Variants in PTCHD4 observed in about 807,000 individuals in gnomAD.
PTCHD4 encodes patched domain-containing protein 4.
In PTCHD4, 33 loss-of-function variants were observed where a neutral mutation model predicts 58.1. That is an observed-to-expected ratio of 0.57 (90% CI 0.43 to 0.76). PTCHD4 has a LOEUF of 0.76. Ranked by LOEUF, PTCHD4 falls within the 30% of genes least tolerant of loss-of-function variation. The pLI is 0.00. For missense variants in PTCHD4, 1,058 were observed against 1,027.1 expected, an observed-to-expected ratio of 1.03 and a Z score of -0.41; for synonymous variants, 478 against 409.6, an observed-to-expected ratio of 1.17 and a Z score of -2.02.
intron 1 of PTCHD4, among the ~76,000 whole-genome samples, chr6:48,085,347 C>G (rs1435649684): frequency 6.6e-6 from 1 of 152,098 alleles, no homozygotes; most frequent in African/African-American, 2.4e-5. Flanking sequence ...TCAGGTCATG[C>G]TTAATTAGTG....
intron 3 of PTCHD4, among the ~76,000 whole-genome samples, chr6:48,010,632 G>C (rs1762632324): frequency 6.6e-6 from 1 of 151,872 alleles, no homozygotes. Context: ...AAGTTCTGGG[G>C]TACATGTGCA....
intron 4 of PTCHD4, among the ~76,000 whole-genome samples, chr6:47,889,652 T>C (rs1314656834): frequency 4.6e-5 from 7 of 151,692 alleles, no homozygotes; most frequent in East Asian, 3.9e-4. Flanking sequence ...GCTAGCCATA[T>C]GTAGAAAGCC....
chr6:48,061,596 T>C (rs1030555874), intron 3 of PTCHD4, among the ~76,000 whole-genome samples: 1 of 152,208 alleles, frequency 6.6e-6, no homozygotes, highest in East Asian at 1.9e-4. Context: ...TTCTGATCAG[T>C]AGGTCTTTTG....
In PTCHD4 at chr6:47,859,070, G is replaced by T. The variant is rs1325836055; in HGVS notation, c.*19233C>A. Among the ~76,000 whole-genome samples the T allele has an allele frequency of 6.6e-6, 1 of 152,016 alleles. No homozygotes were observed. The highest frequency in any genetic ancestry group is 2.4e-5 in the African/African-American group (1 of 41,438). ...AAGAAGGAAATGTTCCTGAGCATCA[G>T]ATAATATATTTTATTCACGCTTATG... On this transcript the variant is annotated 3_prime_UTR_variant, in exon 5 of 5. Coordinates refer to ENST00000339488, the MANE Select transcript of PTCHD4 (RefSeq NM_001384253.1).
intron 1 of PTCHD4, among the ~76,000 whole-genome samples, chr6:48,110,794 T>TAA (rs1358016869): frequency 6.9e-5 from 10 of 145,478 alleles, no homozygotes; most frequent in Admixed American, 1.4e-4. Flanking sequence ...TATATATAAA[T>TAA]ATATATATAT....
intron 4 of PTCHD4, among the ~76,000 whole-genome samples, chr6:47,996,992 C>A (rs577173917): frequency 6.6e-6 from 1 of 152,294 alleles, no homozygotes; most frequent in East Asian, 1.9e-4. Context: ...TATTATTTGC[C>A]CCGCATTGTG....
chr6:47,894,289 T>G (rs1764463724), intron 4 of PTCHD4, among the ~76,000 whole-genome samples: 1 of 152,344 alleles, frequency 6.6e-6, no homozygotes, highest in Non-Finnish European at 1.5e-5. Flanking sequence ...CAACATAAAT[T>G]TATAAACAGA....
At chr6:47,956,889 C>G (rs917399418) in intron 4 of PTCHD4, among the ~76,000 whole-genome samples, 1 of 151,964 alleles carries the variant, frequency 6.6e-6, no homozygotes, top group South Asian at 2.1e-4. Flanking sequence ...TTTCGTTGGG[C>G]GTGGTGATTC....
chr6:47,988,665 G>C (rs1351385034), intron 4 of PTCHD4, among the ~76,000 whole-genome samples: 1 of 152,138 alleles, frequency 6.6e-6, no homozygotes, highest in East Asian at 1.9e-4. Context: ...CTATCAGGGG[G>C]TTCTGCTTTT....
At chr6:47,959,654 G>A (rs184985862) in intron 4 of PTCHD4, among the ~76,000 whole-genome samples, 1 of 152,056 alleles carries the variant, frequency 6.6e-6, no homozygotes, top group East Asian at 1.9e-4. Flanking sequence ...AATCATAGGA[G>A]CAGCCAAGGC....
chr6:48,087,807 C>A (rs1260372286), intron 1 of PTCHD4, among the ~76,000 whole-genome samples: 4 of 152,124 alleles, frequency 2.6e-5, no homozygotes, highest in Non-Finnish European at 5.9e-5. Context: ...TCCTTCAGCT[C>A]TCAGTTTTGA....
intron 3 of PTCHD4, among the ~76,000 whole-genome samples, chr6:48,021,301 G>A (rs1038782162): frequency 6.6e-6 from 1 of 151,920 alleles, no homozygotes; most frequent in African/African-American, 2.4e-5. Flanking sequence ...GCTGCTAATG[G>A]TAGGGAAAAG....
intron 4 of PTCHD4, among the ~76,000 whole-genome samples, chr6:48,004,340 T>G (rs1183966487): frequency 6.6e-6 from 1 of 152,118 alleles, no homozygotes; most frequent in East Asian, 1.9e-4. Context: ...TAACGCAGAC[T>G]CAGAATGGAC....
At chr6:47,891,283 G>A (rs935347394) in intron 4 of PTCHD4, among the ~76,000 whole-genome samples, 2 of 149,428 alleles carry the variant, frequency 1.3e-5, no homozygotes, top group Non-Finnish European at 3.0e-5. Context: ...GCTGGGTGCT[G>A]TCAAGTAGGC....
Position 47,860,516 on chromosome 6 carries a change from A to C in PTCHD4, c.*17787T>G, listed in dbSNP as rs930720865. 2.0e-4 allele frequency among the ~76,000 whole-genome samples: 31 copies of C among 152,036 alleles called. No individual in the cohort carries two copies. Among genetic ancestry groups the C allele is most frequent in the Admixed American group, 3.9e-4 (6 of 15,250 alleles). On this transcript the variant is annotated 3_prime_UTR_variant, in exon 5 of 5. Transcript: ENST00000339488. ...TTAGAGCTTATACCTATACATCTGTAGATCTCTTCTTCCTGTCCTACAGAA... is the reference window on the plus strand; with the variant it reads ...TTAGAGCTTATACCTATACATCTGTCGATCTCTTCTTCCTGTCCTACAGAA...
At chr6:47,993,213 C>A (rs1178922168) in intron 4 of PTCHD4, among the ~76,000 whole-genome samples, 1 of 152,086 alleles carries the variant, frequency 6.6e-6, no homozygotes, top group East Asian at 1.9e-4. Flanking sequence ...ATGGAAGTCA[C>A]CAATGCAATA....
chr6:48,085,140 G>A (rs1477984215), intron 1 of PTCHD4, among the ~76,000 whole-genome samples: 1 of 151,876 alleles, frequency 6.6e-6, no homozygotes, highest in African/African-American at 2.4e-5. Flanking sequence ...ATTTACTGTT[G>A]ATGGTATGGT....
At chr6:48,089,459 CAT>C (rs1198957248) in intron 1 of PTCHD4, among the ~76,000 whole-genome samples, 2 of 152,070 alleles carry the variant, frequency 1.3e-5, no homozygotes, top group Non-Finnish European at 2.9e-5. Flanking sequence ...AATCTTAACA[CAT>C]GTTAATGCAT....
intron 1 of PTCHD4, among the ~76,000 whole-genome samples, chr6:48,104,713 T>C (rs964092802): frequency 2.0e-5 from 3 of 152,076 alleles, no homozygotes; most frequent in Non-Finnish European, 4.4e-5. Context: ...ACCTATCTCA[T>C]GTGCAGAGAC....
Sources: allele counts gnomAD v4.1 joint callset (sites outside exome capture counted in the v4.1 genomes callset), GRCh38; gene constraint gnomAD v4.1.1; transcripts MANE v1.5; gene names NCBI Gene and HGNC (gene_info 2026-07-23, HGNC 2026-07-21).